TCF7L2: variants seen among roughly 807,000 people sequenced by gnomAD.
TCF7L2 encodes transcription factor 7 like 2, also known as transcription factor 7-like 2.
TCF7L2 carries 23 observed loss-of-function variants against 77.9 expected under a neutral mutation model. The ratio of observed to expected loss-of-function variants is 0.30; its 90% CI spans 0.21 to 0.42. TCF7L2 has a LOEUF of 0.42. Ranked by LOEUF, TCF7L2 falls within the 10% of genes least tolerant of loss-of-function variation. The pLI, the probability that TCF7L2 is intolerant of heterozygous loss-of-function variation, is 1.00. For synonymous variants in TCF7L2, 413 were observed against 340.2 expected (o/e 1.21, Z -2.36); for missense variants, 654 against 793.1 (o/e 0.82, Z 2.11).
chr10:113,086,965 T>C (rs1338577597), intron 5 of TCF7L2, among the ~76,000 whole-genome samples: 3 of 151,968 alleles, frequency 2.0e-5, no homozygotes, highest in Non-Finnish European at 4.4e-5. Flanking sequence ...AAGTGTGGTC[T>C]TGAGGGGGTA....
At chr10:113,129,757 A>G (rs2066261264) in intron 5 of TCF7L2, 15 of 1,256,168 alleles carry the variant, frequency 1.2e-5, no homozygotes, top group African/African-American at 1.6e-5. Flanking sequence ...AGGAAAAAGA[A>G]AAGTGAGAAA....
At chr10:113,088,936 T>G (rs1434769251) in intron 5 of TCF7L2, among the ~76,000 whole-genome samples, 1 of 149,574 alleles carries the variant, frequency 6.7e-6, no homozygotes, top group Non-Finnish European at 1.5e-5. Flanking sequence ...AGACCCCATC[T>G]CTTAGAAAAA....
At chr10:112,985,704 C>G (rs1228460903) in intron 4 of TCF7L2, among the ~76,000 whole-genome samples, 1 of 152,136 alleles carries the variant, frequency 6.6e-6, no homozygotes, top group East Asian at 1.9e-4. Flanking sequence ...TCGATTGGAG[C>G]CTCCTGGGGC....
chr10:113,056,639 A>C (rs1230850994), intron 5 of TCF7L2, among the ~76,000 whole-genome samples: 1 of 152,190 alleles, frequency 6.6e-6, no homozygotes, highest in Non-Finnish European at 1.5e-5. Flanking sequence ...GGGGACTCTG[A>C]GGATTTAGGT....
At chr10:113,089,319 G>A (rs2135610458) in intron 5 of TCF7L2, 1 of 1,483,992 alleles carries the variant, frequency 6.7e-7, no homozygotes, top group Non-Finnish European at 9.0e-7. Flanking sequence ...CAGAAAGGAA[G>A]GCTGGGGGCT....
At chr10:112,988,396 G>A (rs1252794252) in intron 4 of TCF7L2, among the ~76,000 whole-genome samples, 1 of 152,168 alleles carries the variant, frequency 6.6e-6, no homozygotes, top group Admixed American at 6.5e-5. Flanking sequence ...ACTGCACCTG[G>A]CCCGTGTGTT....
rs2068326640 is a variant in TCF7L2 at position 113,141,306 on chromosome 10, C to A, written c.675C>A (p.Asp225Glu). The A allele has an allele frequency of 1.9e-6, 3 of 1,614,176 alleles. No individual in the cohort carries two copies. The highest frequency in any genetic ancestry group is 2.5e-6 in the Non-Finnish European group (3 of 1,180,028). Residue 225 changes from aspartate to glutamate, a missense_variant, in exon 6 of 14, where the codon GAC becomes GAA. Asp to Glu is a conservative substitution (Grantham distance 45). Coordinates refer to ENST00000627217, the MANE Select transcript of TCF7L2 (RefSeq NM_001146274.2). ...CTCCACACTTACCAGCCGACGTAGA[C>A]CCCAAAACAGGTAGGCTGTGGGCTA...
chr10:113,165,439 T>A (rs2073968620), intron 13 of TCF7L2, 116 bp from the exon 15 acceptor site: 3 of 1,160,544 alleles, frequency 2.6e-6, no homozygotes, highest in Non-Finnish European at 3.7e-6. Context: ...CCACTGGGCG[T>A]GCCACCTCTG....
At chr10:113,041,647 G>A (rs1416450464) in intron 5 of TCF7L2, among the ~76,000 whole-genome samples, 5 of 152,134 alleles carry the variant, frequency 3.3e-5, no homozygotes, top group Non-Finnish European at 7.3e-5. Flanking sequence ...GTTGCTGGTT[G>A]GGGGTTCTAA....
intron 5 of TCF7L2, among the ~76,000 whole-genome samples, chr10:113,054,573 AAAC>A (rs1050974218): frequency 3.9e-5 from 6 of 152,278 alleles, no homozygotes; most frequent in South Asian, 2.1e-4. Context: ...TTTAAAATTA[AAAC>A]AACAACAACA....
At chr10:113,045,359 A>T (rs1234957081) in intron 5 of TCF7L2, among the ~76,000 whole-genome samples, 1 of 152,150 alleles carries the variant, frequency 6.6e-6, no homozygotes, top group Non-Finnish European at 1.5e-5. Flanking sequence ...GGGAGTCAGG[A>T]TGTGAAACAA....
intron 10 of TCF7L2, 45 bp from the exon 11 acceptor site, chr10:113,152,286 TTC>T: frequency 6.6e-7 from 1 of 1,506,632 alleles, no homozygotes; most frequent in Non-Finnish European, 9.2e-7. Flanking sequence ...TTTCATGCTT[TTC>T]TCTTTGTTCA....
chr10:113,084,080 G>A (rs1034715936), intron 5 of TCF7L2, among the ~76,000 whole-genome samples: 4 of 152,180 alleles, frequency 2.6e-5, no homozygotes, highest in Non-Finnish European at 4.4e-5. Flanking sequence ...TTGCTGTGGA[G>A]GAGAAAATAC....
intron 5 of TCF7L2, among the ~76,000 whole-genome samples, chr10:113,107,863 T>G (rs1318806574): frequency 6.6e-6 from 1 of 151,044 alleles, no homozygotes; most frequent in Non-Finnish European, 1.5e-5. Context: ...TAAAGCAGCC[T>G]ATATTGGTCA....
Position 113,151,051 on chromosome 10 carries a change from C to T in TCF7L2, c.929C>T (p.Pro310Leu), listed in dbSNP as rs752843698. The change falls in exon 9 of 14, where the codon CCG becomes CTG. Residue 310 changes from proline (P) to leucine (L), a missense_variant. Pro to Leu is a moderately conservative substitution (Grantham distance 98). Around this residue, in one of 6 missense-constraint regions of TCF7L2, gnomAD observed 179 missense variants for 270.6 expected, o/e 0.66. Coordinates refer to ENST00000627217, the MANE Select transcript of TCF7L2 (RefSeq NM_001146274.2). The surrounding 1 kb of genome is among the most constrained non-coding windows in gnomAD (Gnocchi z 5.2). ...CATACGCTACACACGACGGGCATTC[C>T]GCATCCGGCCATAGTCACACCAACA... 1.9e-6 allele frequency: 3 copies of T among 1,614,144 alleles called. No individual in the cohort carries two copies. Among genetic ancestry groups the T allele is most frequent in the Non-Finnish European group, 2.5e-6 (3 of 1,180,022 alleles).
Position 112,951,576 on chromosome 10 carries a change from C to T in TCF7L2, c.350C>T (p.Pro117Leu), listed in dbSNP as rs2134205767. The T allele has an allele frequency of 7.3e-7, 1 of 1,370,122 alleles. No homozygotes were observed. The highest frequency in any genetic ancestry group is 1.5e-5 in the African/African-American group (1 of 65,468). 84.9% of individuals were successfully genotyped at this position (1,370,122 alleles called of 1,614,324 possible). A position where few individuals can be genotyped will look rare whatever the true frequency, so the allele number is the denominator to read the frequency against. ...CCCGACCTGACGAGCCCCTACCTCC[C>T]CAACGGATCGCTCTCGCCCACCGCC... The change falls in exon 3 of 14, where the codon CCC becomes CTC. Residue 117 changes from proline (P) to leucine (L), a missense_variant. By Grantham distance (98) the Pro-to-Leu change is moderately conservative. This residue lies in a region of TCF7L2 where 132 missense variants were observed against 123.7 expected (regional missense o/e 1.07). Coordinates refer to ENST00000627217, the MANE Select transcript of TCF7L2 (RefSeq NM_001146274.2).
chr10:113,048,372 C>T (rs1192618397), intron 5 of TCF7L2, among the ~76,000 whole-genome samples: 1 of 152,152 alleles, frequency 6.6e-6, no homozygotes, highest in Non-Finnish European at 1.5e-5. Context: ...TTTCTTGAAG[C>T]CAAGGAGCCC....
intron 5 of TCF7L2, among the ~76,000 whole-genome samples, chr10:113,118,520 G>GGTGTGTGTGTGTGT (rs34806588): frequency 5.4e-4 from 76 of 141,516 alleles, no homozygotes; most frequent in South Asian, 2.5e-3. Context: ...TCATCTGGGG[G>GGTGTGTGTGTGTGT]GTGTGTGTGT....
At chr10:113,031,092 G>T (rs1357922924) in intron 4 of TCF7L2, among the ~76,000 whole-genome samples, 1 of 152,178 alleles carries the variant, frequency 6.6e-6, no homozygotes, top group Non-Finnish European at 1.5e-5. Flanking sequence ...TGGCCTGGAA[G>T]TACCAAAGTC....
Sources: allele counts gnomAD v4.1 joint callset (sites outside exome capture counted in the v4.1 genomes callset), GRCh38; gene constraint gnomAD v4.1.1; regional missense constraint gnomAD v4.1.1; non-coding constraint Gnocchi (gnomAD v3.1); transcripts MANE v1.5; gene names NCBI Gene and HGNC (gene_info 2026-07-23, HGNC 2026-07-21).